Variants in ACMSD observed in about 807,000 individuals in gnomAD.
ACMSD encodes the protein aminocarboxymuconate semialdehyde decarboxylase, also known as 2-amino-3-carboxymuconate-6-semialdehyde decarboxylase.
Under a neutral mutation model 45.9 loss-of-function variants are expected in ACMSD, and 37 were observed. That is an observed-to-expected ratio of 0.81 (90% CI 0.62 to 1.06). The LOEUF (loss-of-function observed/expected upper bound fraction) is 1.06, where lower values mean the gene tolerates loss of function less well. ACMSD is among the 50% of genes least tolerant of loss of function. ACMSD has a pLI of 0.00. For missense variants in ACMSD, 434 were observed against 420.9 expected (o/e 1.03, Z -0.27); for synonymous variants, 138 against 148.8 (o/e 0.93, Z 0.53).
At chr2:134,894,960 G>A (rs1302836734) in intron 8 of ACMSD, among the ~76,000 whole-genome samples, 1 of 152,098 alleles carries the variant, frequency 6.6e-6, no homozygotes, top group Non-Finnish European at 1.5e-5. Context: ...AAATGAAATT[G>A]AGGACACAAT....
At chr2:134,843,104 T>G (rs931938266) in intron 1 of ACMSD, among the ~76,000 whole-genome samples, 6 of 152,220 alleles carry the variant, frequency 3.9e-5, no homozygotes, top group African/African-American at 1.4e-4. Context: ...AAGTTCACTC[T>G]AAAGTGTAAC....
At chr2:134,892,325 T>C (rs1176027725) in intron 8 of ACMSD, among the ~76,000 whole-genome samples, 5 of 151,878 alleles carry the variant, frequency 3.3e-5, no homozygotes, top group Admixed American at 3.3e-4. Context: ...AAAACTAAAC[T>C]AGTAAAGGGA....
At chr2:134,894,448 A>AT (rs1369811242) in intron 8 of ACMSD, among the ~76,000 whole-genome samples, 3 of 152,202 alleles carry the variant, frequency 2.0e-5, no homozygotes, top group Non-Finnish European at 2.9e-5. Flanking sequence ...ACAGGTCTAT[A>AT]TTAAGATACT....
intron 8 of ACMSD, among the ~76,000 whole-genome samples, chr2:134,879,135 TAGGAGAGGCTGGAA>T (rs1457622937): frequency 6.6e-6 from 1 of 152,238 alleles, no homozygotes; most frequent in Admixed American, 6.5e-5. Context: ...TCATTTGCTA[TAGGAGAGGCTGGAA>T]ATATTCAAAC....
rs144348121 is a variant in ACMSD at position 134,886,245 on chromosome 2, TA to T, written c.850-12095del. ...TTCATTACCCATTCATTATTATTAT[TA>T]TTTTTTTTTTTTTTTTTTTTTTGGC... On this transcript the variant is annotated intron_variant, in intron 8 of 9. Coordinates refer to ENST00000356140, the MANE Select transcript of ACMSD (RefSeq NM_138326.3). 2.3e-3 allele frequency among the ~76,000 whole-genome samples: 313 copies of T among 137,490 alleles called. 2 individuals are homozygous for T. Among genetic ancestry groups the T allele is most frequent in the African/African-American group, 8.0e-3 (273 of 34,170 alleles). 90.2% of individuals were successfully genotyped at this position (137,490 alleles called of 152,430 possible).
At chr2:134,848,788 G>A (rs1167800752) in intron 2 of ACMSD, among the ~76,000 whole-genome samples, 3 of 152,096 alleles carry the variant, frequency 2.0e-5, no homozygotes, top group African/African-American at 7.2e-5. Context: ...TGTCAATTTT[G>A]GCTTTTGTTG....
chr2:134,886,233 CATTATT>C (rs1170785128), intron 8 of ACMSD, among the ~76,000 whole-genome samples: 3 of 128,322 alleles, frequency 2.3e-5, no homozygotes, highest in East Asian at 4.6e-4. Context: ...ATTACCCATT[CATTATT>C]ATTATTATTT....
chr2:134,875,202 T>G (rs1688671221), intron 8 of ACMSD, among the ~76,000 whole-genome samples: 1 of 152,146 alleles, frequency 6.6e-6, no homozygotes, highest in Non-Finnish European at 1.5e-5. Flanking sequence ...GGTTTTGCCA[T>G]GTTGCCCAGC....
chr2:134,896,325 C>T (rs1690146440), intron 8 of ACMSD, among the ~76,000 whole-genome samples: 1 of 152,140 alleles, frequency 6.6e-6, no homozygotes, highest in East Asian at 1.9e-4. Context: ...AAATTTAAAA[C>T]TTTTGTGCTT....
chr2:134,849,213 T>A (rs1559040532), intron 2 of ACMSD, among the ~76,000 whole-genome samples: 1 of 152,100 alleles, frequency 6.6e-6, no homozygotes, highest in Non-Finnish European at 1.5e-5. Context: ...TTCATAAACT[T>A]AGTAGCCAAA....
chr2:134,845,394 T>C, intron 2 of ACMSD, 117 bp downstream of exon 2: 1 of 1,093,848 alleles, frequency 9.1e-7, no homozygotes, highest in Non-Finnish European at 1.4e-6. Flanking sequence ...GTATTAGCTT[T>C]GTTGTAGACA....
intron 3 of ACMSD, among the ~76,000 whole-genome samples, chr2:134,861,454 C>T (rs1257252571): frequency 1.3e-5 from 2 of 152,192 alleles, no homozygotes; most frequent in African/African-American, 2.4e-5. Flanking sequence ...AAGAACCTAA[C>T]ATGTATTAAC....
chr2:134,862,085 C>CAGAT (rs1687876492), intron 4 of ACMSD, 67 bp downstream of exon 4: 1 of 1,570,996 alleles, frequency 6.4e-7, no homozygotes, highest in East Asian at 2.2e-5. Flanking sequence ...AAAAAGTGAA[C>CAGAT]AGATGCCTCA....
intron 6 of ACMSD, among the ~76,000 whole-genome samples, chr2:134,869,998 G>A (rs2104878642): frequency 6.6e-6 from 1 of 152,332 alleles, no homozygotes; most frequent in East Asian, 1.9e-4. Context: ...AATCCATCAT[G>A]CTTCCAGAAT....
At chr2:134,857,531 T>G (rs1170959115) in intron 2 of ACMSD, among the ~76,000 whole-genome samples, 1 of 152,118 alleles carries the variant, frequency 6.6e-6, no homozygotes, top group Non-Finnish European at 1.5e-5. Flanking sequence ...ATATATCAAT[T>G]TTGTATTCTG....
chr2:134,854,902 C>G (rs999353599), intron 2 of ACMSD, among the ~76,000 whole-genome samples: 8 of 152,184 alleles, frequency 5.3e-5, no homozygotes, highest in African/African-American at 1.9e-4. Context: ...GAGATTTAAA[C>G]CCAGAGCTGT....
chr2:134,845,133 G>T, intron 1 of ACMSD, 100 bp from the exon 2 acceptor site: 1 of 1,214,918 alleles, frequency 8.2e-7, no homozygotes, highest in Non-Finnish European at 1.2e-6. Flanking sequence ...GGAAGGCAAT[G>T]CTTGAAAGGT....
intron 8 of ACMSD, among the ~76,000 whole-genome samples, chr2:134,892,366 G>GA (rs1304928336): frequency 1.3e-5 from 2 of 152,022 alleles, no homozygotes; most frequent in Non-Finnish European, 2.9e-5. Flanking sequence ...ACAAAGTTGT[G>GA]AAAAGCTCCA....
intron 7 of ACMSD, 69 bp from the exon 8 acceptor site, chr2:134,872,400 T>A: frequency 6.4e-7 from 1 of 1,573,306 alleles, no homozygotes; most frequent in South Asian, 1.1e-5. Flanking sequence ...ACTTCTTGCA[T>A]ATAACATCAA....
Sources: allele counts gnomAD v4.1 joint callset (sites outside exome capture counted in the v4.1 genomes callset), GRCh38; gene constraint gnomAD v4.1.1; transcripts MANE v1.5; gene names NCBI Gene and HGNC (gene_info 2026-07-23, HGNC 2026-07-21).